EXOC4: variants seen among roughly 807,000 people sequenced by gnomAD.
EXOC4 encodes the protein exocyst complex component 4, also known as SEC8-like 1.
A neutral mutation model predicts 107.2 loss-of-function variants in EXOC4; 71 were observed. The observed-to-expected ratio is 0.66, with a 90% CI of 0.55 to 0.81. EXOC4 has a LOEUF of 0.81. EXOC4 is among the 30% of genes least tolerant of loss of function. EXOC4 has a pLI of 0.00. For synonymous variants in EXOC4, 456 were observed against 441.2 expected (o/e 1.03, Z -0.42); for missense variants, 1,108 against 1,189.6 (o/e 0.93, Z 1.01).
chr7:133,713,274 A>T (rs1794931538), intron 10 of EXOC4, among the ~76,000 whole-genome samples: 1 of 152,212 alleles, frequency 6.6e-6, no homozygotes, highest in Admixed American at 6.5e-5. Flanking sequence ...GTAAGAAAAG[A>T]TAATTTATAG....
rs552378299 is a variant in EXOC4 at position 133,494,065 on chromosome 7, A to G, written c.1417+13927A>G. On this transcript the variant is annotated intron_variant, in intron 9 of 17. Coordinates refer to ENST00000253861, the MANE Select transcript of EXOC4 (RefSeq NM_021807.4). ...AATTTGGCATTGTTTTATGTACATT[A>G]TTGTTTTGCCTTCCTCTTGCCTCCA... Among the ~76,000 whole-genome samples the G allele has an allele frequency of 4.6e-5, 7 of 152,282 alleles. No individual in the cohort carries two copies. The South Asian group carries it at 1.2e-3, about 27-fold the overall frequency.
chr7:133,418,510 A>C (rs1797529743), intron 7 of EXOC4, among the ~76,000 whole-genome samples: 3 of 152,220 alleles, frequency 2.0e-5, no homozygotes, highest in Admixed American at 1.3e-4. Context: ...AAATGTGCAC[A>C]GGTTGTGAAG....
At chr7:133,342,834 G>A (rs761560543) in intron 5 of EXOC4, among the ~76,000 whole-genome samples, 33 of 151,890 alleles carry the variant, frequency 2.2e-4, no homozygotes, top group Non-Finnish European at 4.6e-4. Context: ...AGTGTATTTT[G>A]CATATCTCTG....
At chr7:133,866,791 A>T (rs188438026) in intron 11 of EXOC4, among the ~76,000 whole-genome samples, 2 of 152,314 alleles carry the variant, frequency 1.3e-5, no homozygotes, top group African/African-American at 4.8e-5. Flanking sequence ...CAATGTGCCA[A>T]CTTGATCTAT....
At chr7:133,954,872 G>A (rs1238025864) in intron 14 of EXOC4, among the ~76,000 whole-genome samples, 1 of 152,250 alleles carries the variant, frequency 6.6e-6, no homozygotes, top group African/African-American at 2.4e-5. Flanking sequence ...GACCAGCATA[G>A]GCACCAGCTG....
chr7:133,588,950 G>A (rs1801475867), intron 9 of EXOC4, among the ~76,000 whole-genome samples: 1 of 148,354 alleles, frequency 6.7e-6, no homozygotes, highest in Non-Finnish European at 1.5e-5. Context: ...ATGTATATGT[G>A]TGTGTGCACA....
At chr7:133,997,705 A>G in intron 15 of EXOC4, 72 bp downstream of exon 15, 2 of 1,508,852 alleles carry the variant, frequency 1.3e-6, no homozygotes, top group Non-Finnish European at 1.8e-6. Context: ...GCTTATTTCC[A>G]GGCAGTATCA....
At chr7:133,993,199 G>C (rs1204150707) in intron 14 of EXOC4, among the ~76,000 whole-genome samples, 1 of 152,094 alleles carries the variant, frequency 6.6e-6, no homozygotes, top group Non-Finnish European at 1.5e-5. Flanking sequence ...AGGGATATTG[G>C]CCTGTAGTTT....
intron 10 of EXOC4, among the ~76,000 whole-genome samples, chr7:133,742,971 A>G (rs954913865): frequency 1.9e-4 from 29 of 152,204 alleles, no homozygotes; most frequent in Non-Finnish European, 8.8e-5. Context: ...CGTTTAACAA[A>G]GATTCTTGCT....
intron 3 of EXOC4, among the ~76,000 whole-genome samples, chr7:133,296,769 C>T (rs1794528379): frequency 6.6e-6 from 1 of 151,938 alleles, no homozygotes; most frequent in Non-Finnish European, 1.5e-5. Flanking sequence ...TGTTTTATTG[C>T]ACTAAAGCCT....
intron 14 of EXOC4, among the ~76,000 whole-genome samples, chr7:133,944,529 A>G (rs1800505580): frequency 1.3e-5 from 2 of 152,254 alleles, no homozygotes; most frequent in South Asian, 4.1e-4. Flanking sequence ...GATGTCTGGG[A>G]TTGACTTTGT....
chr7:133,902,611 T>C (rs981004010), intron 12 of EXOC4, among the ~76,000 whole-genome samples: 2 of 152,158 alleles, frequency 1.3e-5, no homozygotes, highest in Non-Finnish European at 2.9e-5. Flanking sequence ...TCCAGCACTT[T>C]GGGAGGCCGA....
chr7:134,090,064 A>G, the EXOC4 span, among the ~76,000 whole-genome samples: 495 of 152,376 alleles, frequency 3.2e-3, 4 homozygotes, highest in African/African-American at 0.011. Context: ...CTAAAGTCAC[A>G]TAATGTAAAA....
chr7:134,041,673 A>T (rs1171816440), intron 17 of EXOC4, among the ~76,000 whole-genome samples: 2 of 152,206 alleles, frequency 1.3e-5, no homozygotes. Context: ...AACTAATTAA[A>T]GATTTAGATA....
intron 5 of EXOC4, among the ~76,000 whole-genome samples, chr7:133,339,427 GA>G (rs1353835925): frequency 2.0e-5 from 3 of 152,156 alleles, no homozygotes; most frequent in Non-Finnish European, 4.4e-5. Context: ...AGTATAGTTT[GA>G]AATCAGGTAA....
At chr7:133,403,348 G>A (rs780583007) in intron 7 of EXOC4, among the ~76,000 whole-genome samples, 6 of 152,188 alleles carry the variant, frequency 3.9e-5, no homozygotes, top group Non-Finnish European at 7.3e-5. Flanking sequence ...CATGACTCCT[G>A]TCTTTTCAGT....
intron 7 of EXOC4, among the ~76,000 whole-genome samples, chr7:133,384,267 G>C (rs932622804): frequency 6.6e-6 from 1 of 152,184 alleles, no homozygotes; most frequent in African/African-American, 2.4e-5. Context: ...TGGTAGGAAG[G>C]CTGTTCTCCT....
At chr7:133,253,336 A>T in intron 1 of EXOC4, 149 bp downstream of exon 1, 1 of 1,388,116 alleles carries the variant, frequency 7.2e-7, no homozygotes, top group Non-Finnish European at 9.3e-7. Flanking sequence ...ACCCCTCCCC[A>T]GGGCCCCAGC....
At position 133,706,984 on chromosome 7, in the gene EXOC4, G is replaced by A. The variant is rs80130395; in HGVS notation, c.1514+76843G>A. 4.8e-3 allele frequency among the ~76,000 whole-genome samples: 737 copies of A among 152,142 alleles called. 3 individuals carry two copies. Among genetic ancestry groups the A allele is most frequent in the Middle Eastern group, 0.017 (5 of 294 alleles). On this transcript the variant is annotated intron_variant, in intron 10 of 17. Transcript: ENST00000253861. The stretch of plus-strand genomic sequence containing the variant: ...GGGAAACACAGACATTCAGACCATA[G>A]CATTTATAACCTCAAGCTTTCACTG...
Sources: gnomAD v4.1 joint callset for allele counts (sites outside exome capture counted in the v4.1 genomes callset) on GRCh38, gnomAD v4.1.1 for gene constraint, MANE v1.5 for transcripts, NCBI Gene and HGNC (gene_info 2026-07-23, HGNC 2026-07-21) for gene names.